Variants in SLC35F2 observed in about 807,000 individuals in gnomAD.
The protein encoded by SLC35F2 is queuine/queuosine transporter SLC35F2.
A neutral mutation model predicts 38.1 loss-of-function variants in SLC35F2; 25 were observed. The ratio of observed to expected loss-of-function variants is 0.66; its 90% CI spans 0.48 to 0.92. The LOEUF (loss-of-function observed/expected upper bound fraction) is 0.92. Ranked by LOEUF, SLC35F2 falls within the 40% of genes least tolerant of loss-of-function variation. The probability of loss-of-function intolerance (pLI) is 0.00; values close to 1 mark genes in which losing one functional copy is unlikely to be tolerated. For missense variants in SLC35F2, 409 were observed against 452.9 expected (o/e 0.90, Z 0.88); for synonymous variants, 173 against 181.7 (o/e 0.95, Z 0.38).
At chr11:107,793,586 C>A (rs1453878518) in intron 7 of SLC35F2, among the ~76,000 whole-genome samples, 1 of 152,016 alleles carries the variant, frequency 6.6e-6, no homozygotes, top group Non-Finnish European at 1.5e-5. Flanking sequence ...CAATGAAATT[C>A]ATTTTGCTAA....
intron 1 of SLC35F2, chr11:107,823,936 AAAAAAAAG>A (rs1252317600): frequency 1.3e-4 from 127 of 945,046 alleles, no homozygotes; most frequent in East Asian, 1.2e-3. Flanking sequence ...CAAAAAAAAA[AAAAAAAAG>A]AAAAAAGAAA....
intron 3 of SLC35F2, among the ~76,000 whole-genome samples, chr11:107,808,499 G>A (rs183885205): frequency 7.9e-5 from 12 of 152,144 alleles, no homozygotes; most frequent in Admixed American, 4.6e-4. Flanking sequence ...TAATATTCCC[G>A]AAACTGCTGT....
intron 7 of SLC35F2, among the ~76,000 whole-genome samples, chr11:107,799,698 C>A (rs1405274659): frequency 1.3e-5 from 2 of 151,830 alleles, no homozygotes; most frequent in African/African-American, 4.8e-5. Context: ...TCAAGTAATT[C>A]TCCTGCTGGG....
intron 1 of SLC35F2, among the ~76,000 whole-genome samples, chr11:107,857,232 AG>A (rs1478422020): frequency 4.9e-5 from 3 of 61,408 alleles, no homozygotes; most frequent in Non-Finnish European, 9.6e-5. Context: ...GGAGGGAGGG[AG>A]GGAGGGAGGG....
intron 7 of SLC35F2, among the ~76,000 whole-genome samples, chr11:107,800,733 T>G (rs1465615338): frequency 2.0e-5 from 3 of 152,016 alleles, no homozygotes; most frequent in Non-Finnish European, 4.4e-5. Context: ...AGGTGCACAT[T>G]ACCATATCTG....
intron 3 of SLC35F2, chr11:107,809,743 C>T (rs1380724735): frequency 5.1e-6 from 5 of 979,782 alleles, no homozygotes; most frequent in Non-Finnish European, 6.1e-6. Context: ...AGTACTAAGA[C>T]AGACCCTGCG....
At chr11:107,834,584 AG>A (rs1464517445) in intron 1 of SLC35F2, among the ~76,000 whole-genome samples, 1 of 152,136 alleles carries the variant, frequency 6.6e-6, no homozygotes, top group African/African-American at 2.4e-5. Context: ...CAGGAGGCGG[AG>A]GTTGCAGTGA....
chr11:107,796,663 G>C (rs1859221789), intron 7 of SLC35F2, among the ~76,000 whole-genome samples: 1 of 151,914 alleles, frequency 6.6e-6, no homozygotes, highest in African/African-American at 2.4e-5. Context: ...AGAGAGGTTA[G>C]GTTTTTGTAG....
At chr11:107,842,326 T>C (rs1171409561) in intron 1 of SLC35F2, among the ~76,000 whole-genome samples, 2 of 136,808 alleles carry the variant, frequency 1.5e-5, no homozygotes, top group Non-Finnish European at 3.1e-5. Flanking sequence ...ATTTCTCATA[T>C]ACAGCTGGTG....
rs1261804374 is a variant in SLC35F2 at position 107,811,699 on chromosome 11, C to T, written c.382G>A (p.Ala128Thr). Reference sequence around the variant, plus strand: ...CTGGTTAGAGTTGTGTACTGGTAGGCTCTGACGATCACATAATTAGCTTCC... The same window carrying T: ...CTGGTTAGAGTTGTGTACTGGTAGGTTCTGACGATCACATAATTAGCTTCC... ...DVEANYVIVR[A>T]YQYTTLTSVQ... Residue 128 changes from alanine to threonine, a missense_variant, in exon 3 of 8, where the codon GCC becomes ACC. Transcript: ENST00000525815. The T allele has an allele frequency of 1.9e-6, 3 of 1,613,884 alleles. No homozygotes were observed. The African/African-American group carries it at 4.0e-5, about 22-fold the overall frequency.
intron 1 of SLC35F2, chr11:107,816,248 A>T: frequency 1.2e-5 from 12 of 983,206 alleles, no homozygotes; most frequent in Non-Finnish European, 1.4e-5. Flanking sequence ...GCTATAACAT[A>T]TACTTTGTAA....
Position 107,806,714 on chromosome 11 carries a change from C to T in SLC35F2, c.574+3G>A. On this transcript the variant is annotated splice_donor_region_variant and intron_variant, in intron 4 of 7. Transcript: ENST00000525815. ...GAAGCACAAACATGTGACACCGTCT[C>T]ACCTGAATTGTCTTCCCTCCCTGCT... 8 of 1,613,886 alleles carry T rather than the reference C, an allele frequency of 5.0e-6. No individual in the cohort carries two copies. The highest frequency in any genetic ancestry group is 6.8e-6 in the Non-Finnish European group (8 of 1,179,810).
At chr11:107,811,209 T>A in intron 3 of SLC35F2, 1 of 985,038 alleles carries the variant, frequency 1.0e-6, no homozygotes, top group Non-Finnish European at 1.2e-6. Flanking sequence ...AACAAAGAAA[T>A]AGGGATGGGA....
In SLC35F2 at chr11:107,815,796, G is replaced by A. The variant is rs201626298; in HGVS notation, c.280C>T (p.Arg94Ter). The change falls in exon 2 of 8, where the codon CGA (arginine) becomes TGA (stop). Residue 94 changes from arginine to a stop codon, truncating the protein, a stop_gained. Transcript: ENST00000525815. LOFTEE classifies it high-confidence loss of function. ...FLIYTVMLAFRSGSDNLLVIL... is the reference protein window; with the variant it reads ...FLIYTVMLAF ...ATTTCCACATTTGACATACCTGATCGAAATGCCAGCATCACTGTATAAATT... is the reference window on the plus strand; with the variant it reads ...ATTTCCACATTTGACATACCTGATCAAAATGCCAGCATCACTGTATAAATT... 2.4e-4 allele frequency: 381 copies of A among 1,603,132 alleles called. No individual in the cohort carries two copies. The highest frequency in any genetic ancestry group is 3.0e-4 in the Non-Finnish European group (355 of 1,175,532).
At chr11:107,826,298 T>C (rs1242683015) in intron 1 of SLC35F2, among the ~76,000 whole-genome samples, 3 of 150,132 alleles carry the variant, frequency 2.0e-5, no homozygotes, top group Non-Finnish European at 4.4e-5. Context: ...TTTTTTGAGA[T>C]GCAGTTTTGC....
chr11:107,804,867 T>TTTCACTATTTTATAAGCATTTTAGTC, intron 5 of SLC35F2, 97 bp from the exon 6 acceptor site: 1 of 1,188,984 alleles, frequency 8.4e-7, no homozygotes, highest in Non-Finnish European at 1.2e-6. Flanking sequence ...AGTGAGGAAT[T>TTTCACTATTTTATAAGCATTTTAGTC]ACATGGACAT....
chr11:107,821,406 A>C, intron 1 of SLC35F2: 1 of 985,254 alleles, frequency 1.0e-6, no homozygotes, highest in East Asian at 1.1e-4. Context: ...GCTCCAAATC[A>C]TAATGACCTC....
intron 1 of SLC35F2, among the ~76,000 whole-genome samples, chr11:107,831,313 G>A (rs1190949340): frequency 6.6e-6 from 1 of 152,204 alleles, no homozygotes; most frequent in Non-Finnish European, 1.5e-5. Context: ...GAATGGGACA[G>A]GGTGATAGTA....
intron 1 of SLC35F2, among the ~76,000 whole-genome samples, chr11:107,857,825 C>G (rs1008681724): frequency 1.3e-5 from 2 of 152,122 alleles, no homozygotes; most frequent in Non-Finnish European, 2.9e-5. Context: ...CTTTGTTTCT[C>G]CAGCGGCAAA....
Sources: allele counts gnomAD v4.1 joint callset (sites outside exome capture counted in the v4.1 genomes callset), GRCh38; gene constraint gnomAD v4.1.1; transcripts MANE v1.5; gene names NCBI Gene and HGNC (gene_info 2026-07-23, HGNC 2026-07-21).